Variants in CPEB3 observed in about 807,000 individuals in gnomAD.
CPEB3 encodes the protein cytoplasmic polyadenylation element binding protein 3.
Under a neutral mutation model 67.2 loss-of-function variants are expected in CPEB3, and 20 were observed. The ratio of observed to expected loss-of-function variants is 0.30; its 90% CI spans 0.21 to 0.43. The LOEUF (loss-of-function observed/expected upper bound fraction) is 0.43. Ranked by LOEUF, CPEB3 falls within the 20% of genes least tolerant of loss-of-function variation. The pLI, the probability that CPEB3 is intolerant of heterozygous loss-of-function variation, is 1.00. For missense variants in CPEB3, 746 were observed against 968.6 expected, an observed-to-expected ratio of 0.77 and a Z score of 3.05; for synonymous variants, 376 against 393.1, an observed-to-expected ratio of 0.96 and a Z score of 0.51.
rs1850396697 is a variant in CPEB3, at chr10:92,216,411, T to C, written c.1005+22935A>G. 1.1e-5 allele frequency: 18 copies of C among 1,612,798 alleles called. No individual in the cohort carries two copies. In the East Asian group the frequency reaches 3.8e-4, roughly 34 times the overall value. On this transcript the variant is annotated intron_variant, in intron 2 of 9. Transcript: ENST00000265997. Reference sequence around the variant, plus strand: ...TCCGGGGAGCGCACCTACCAGGAGCTGCTGGTCAACCAGAACCCCATCGCG... The same window carrying C: ...TCCGGGGAGCGCACCTACCAGGAGCCGCTGGTCAACCAGAACCCCATCGCG...
chr10:92,245,258 C>T (rs1323614690), intron 1 of CPEB3, among the ~76,000 whole-genome samples: 1 of 151,536 alleles, frequency 6.6e-6, no homozygotes, highest in Non-Finnish European at 1.5e-5. Context: ...CTACCTCAGC[C>T]TCTTGAGTAG....
intron 6 of CPEB3, chr10:92,137,139 A>G: frequency 3.0e-6 from 1 of 332,776 alleles, no homozygotes; most frequent in Non-Finnish European, 5.8e-6. Context: ...AGATTGAATT[A>G]GATCTAAAGG....
intron 6 of CPEB3, among the ~76,000 whole-genome samples, chr10:92,123,763 A>G (rs1845496063): frequency 6.6e-6 from 1 of 152,186 alleles, no homozygotes; most frequent in Non-Finnish European, 1.5e-5. Context: ...CTGGACTTTA[A>G]CATTCCTCTG....
chr10:92,283,722 C>CTTTTTTTTTTTTTTTTTTTTTTT (rs869248048), intron 1 of CPEB3, among the ~76,000 whole-genome samples: 6 of 108,938 alleles, frequency 5.5e-5, no homozygotes, highest in Non-Finnish European at 7.7e-5. Context: ...CTTTTTCTTT[C>CTTTTTTTTTTTTTTTTTTTTTTT]TTTTTTTTTT....
chr10:92,081,834 T>G (rs1843164961), intron 8 of CPEB3, among the ~76,000 whole-genome samples: 1 of 152,196 alleles, frequency 6.6e-6, no homozygotes, highest in Non-Finnish European at 1.5e-5. Context: ...GCACCCTGGG[T>G]AGGCAAGGCA....
intron 1 of CPEB3, among the ~76,000 whole-genome samples, chr10:92,285,732 T>C (rs1267006597): frequency 6.6e-6 from 1 of 152,192 alleles, no homozygotes; most frequent in Non-Finnish European, 1.5e-5. Flanking sequence ...GATCCTTCTT[T>C]ACCTCTTCAC....
At chr10:92,165,933 A>G (rs1432522377) in intron 4 of CPEB3, among the ~76,000 whole-genome samples, 1 of 152,162 alleles carries the variant, frequency 6.6e-6, no homozygotes, top group Non-Finnish European at 1.5e-5. Context: ...TGAGGAATGG[A>G]ACTGACCTCT....
intron 2 of CPEB3, among the ~76,000 whole-genome samples, chr10:92,207,167 G>A (rs867435276): frequency 6.6e-6 from 1 of 152,000 alleles, no homozygotes; most frequent in South Asian, 2.1e-4. Context: ...ATTTTTTGTA[G>A]AGACAGGGTT....
intron 6 of CPEB3, among the ~76,000 whole-genome samples, chr10:92,118,432 T>C (rs1486496150): frequency 6.6e-6 from 1 of 152,184 alleles, no homozygotes; most frequent in African/African-American, 2.4e-5. Flanking sequence ...GTGCCCGGCC[T>C]GACATTGTTT....
intron 9 of CPEB3, among the ~76,000 whole-genome samples, chr10:92,053,336 A>G (rs1214219771): frequency 6.6e-6 from 1 of 151,374 alleles, no homozygotes; most frequent in Non-Finnish European, 1.5e-5. Context: ...ACTTTAGAAA[A>G]GAAACATCAT....
intron 2 of CPEB3, among the ~76,000 whole-genome samples, 174 bp from the exon 3 acceptor site, chr10:92,192,810 G>A (rs1310816831): frequency 1.3e-5 from 2 of 152,146 alleles, no homozygotes; most frequent in African/African-American, 4.8e-5. Context: ...TAGAGATGGG[G>A]TCTCGCTATG....
intron 4 of CPEB3, among the ~76,000 whole-genome samples, chr10:92,165,906 C>A (rs1358446424): frequency 6.6e-6 from 1 of 152,144 alleles, no homozygotes; most frequent in Non-Finnish European, 1.5e-5. Flanking sequence ...ACGTTTTGAA[C>A]CCCTCAAAGT....
At chr10:92,208,850 C>T (rs931954669) in intron 2 of CPEB3, among the ~76,000 whole-genome samples, 22 of 152,112 alleles carry the variant, frequency 1.4e-4, no homozygotes, top group African/African-American at 4.8e-4. Flanking sequence ...CAGCCTCAGC[C>T]TTCTAAAGTG....
intron 3 of CPEB3, among the ~76,000 whole-genome samples, chr10:92,191,126 T>G (rs771948023): frequency 2.6e-5 from 4 of 152,118 alleles, no homozygotes; most frequent in Non-Finnish European, 1.5e-5. Context: ...AAAATGCAAG[T>G]ATCAGCCGGG....
intron 7 of CPEB3, among the ~76,000 whole-genome samples, chr10:92,107,748 A>G (rs528770941): frequency 6.6e-6 from 1 of 152,264 alleles, no homozygotes; most frequent in South Asian, 2.1e-4. Flanking sequence ...GAAGCTCCTC[A>G]ATACCTCCTC....
At chr10:92,258,633 T>C (rs1224981245) in intron 1 of CPEB3, among the ~76,000 whole-genome samples, 3 of 16,620 alleles carry the variant, frequency 1.8e-4, no homozygotes, top group Admixed American at 1.2e-3. Flanking sequence ...TGAATATATA[T>C]ATATATATAT....
At chr10:92,276,982 T>C (rs1451825847) in intron 1 of CPEB3, among the ~76,000 whole-genome samples, 1 of 152,250 alleles carries the variant, frequency 6.6e-6, no homozygotes, top group Non-Finnish European at 1.5e-5. Flanking sequence ...TTTATATACC[T>C]TCTTTGGAGA....
intron 4 of CPEB3, among the ~76,000 whole-genome samples, chr10:92,166,022 T>C (rs2133982959): frequency 6.6e-6 from 1 of 152,270 alleles, no homozygotes; most frequent in East Asian, 1.9e-4. Flanking sequence ...AAATAAAGAA[T>C]CCTTTCTAGA....
chr10:92,164,126 C>T (rs542836593), intron 4 of CPEB3, among the ~76,000 whole-genome samples: 1 of 152,196 alleles, frequency 6.6e-6, no homozygotes. Flanking sequence ...TATCATGTTC[C>T]AGGCATATGC....
Sources: allele counts gnomAD v4.1 joint callset (sites outside exome capture counted in the v4.1 genomes callset), GRCh38; gene constraint gnomAD v4.1.1; transcripts MANE v1.5; gene names NCBI Gene and HGNC (gene_info 2026-07-23, HGNC 2026-07-21).